Variants in CFI observed in about 807,000 individuals in gnomAD.
CFI encodes the protein C3B/C4B inactivator.
In CFI, 66 loss-of-function variants were observed where a neutral mutation model predicts 78.8. The ratio of observed to expected loss-of-function variants is 0.84; its 90% CI spans 0.69 to 1.03. The LOEUF (loss-of-function observed/expected upper bound fraction) is 1.03, where lower values mean the gene tolerates loss of function less well. Among genes scored for constraint, CFI ranks in the 50% least tolerant of loss-of-function variants. The pLI, the probability that CFI is intolerant of heterozygous loss-of-function variation, is 0.00. For synonymous variants in CFI, 250 were observed against 232.6 expected, an observed-to-expected ratio of 1.07 and a Z score of -0.68; for missense variants, 706 against 704.5, an observed-to-expected ratio of 1.00 and a Z score of -0.02.
At chr4:109,732,802 A>G in the CFI span, among the ~76,000 whole-genome samples, 1 of 150,650 alleles carries the variant, frequency 6.6e-6, no homozygotes, top group South Asian at 2.1e-4. Context: ...GCTTGCAATG[A>G]GCCAAGATCG....
chr4:109,784,544 C>A (rs910131567), intron 1 of CFI, among the ~76,000 whole-genome samples: 5 of 151,862 alleles, frequency 3.3e-5, no homozygotes, highest in Non-Finnish European at 4.4e-5. Context: ...TAGATGAATC[C>A]TGGATTAAAA....
At chr4:109,770,308 C>T (rs977404058) in intron 1 of CFI, among the ~76,000 whole-genome samples, 3 of 152,010 alleles carry the variant, frequency 2.0e-5, no homozygotes, top group African/African-American at 7.2e-5. Flanking sequence ...GCCTGTAATC[C>T]CAGCACTTTG....
intron 12 of CFI, 70 bp from the exon 13 acceptor site, chr4:109,741,180 A>G (rs1561281179): frequency 6.2e-7 from 1 of 1,608,156 alleles, no homozygotes; most frequent in Non-Finnish European, 8.5e-7. Context: ...TGCCTCCTCC[A>G]TGGCATTTAA....
intron 1 of CFI, among the ~76,000 whole-genome samples, chr4:109,771,340 T>C (rs1263553257): frequency 6.6e-6 from 1 of 151,884 alleles, no homozygotes; most frequent in Non-Finnish European, 1.5e-5. Context: ...GCAGATTGCC[T>C]GAGGTCAGCA....
chr4:109,800,917 A>C (rs139943793), intron 1 of CFI, among the ~76,000 whole-genome samples: 121 of 152,300 alleles, frequency 7.9e-4, no homozygotes, highest in Non-Finnish European at 1.2e-3. Flanking sequence ...TCTTATTAAT[A>C]AGCATTTAGT....
intron 11 of CFI, 150 bp downstream of exon 11, chr4:109,746,072 A>G: frequency 1.1e-6 from 1 of 926,264 alleles, no homozygotes; most frequent in Non-Finnish European, 1.7e-6. Flanking sequence ...ACATGCTGCA[A>G]ACCCATGAAG....
At chr4:109,746,908 G>A (rs1398238512) in intron 10 of CFI, among the ~76,000 whole-genome samples, 1 of 152,170 alleles carries the variant, frequency 6.6e-6, no homozygotes, top group Non-Finnish European at 1.5e-5. Context: ...CAACCCTAGA[G>A]GTTCCCAGGG....
At chr4:109,788,191 T>C (rs1298376565) in intron 1 of CFI, among the ~76,000 whole-genome samples, 1 of 152,158 alleles carries the variant, frequency 6.6e-6, no homozygotes, top group East Asian at 1.9e-4. Flanking sequence ...CCTTATATAA[T>C]ACACATCATT....
At chr4:109,741,243 G>A (rs1373924179) in intron 12 of CFI, 133 bp from the exon 13 acceptor site, 8 of 1,518,246 alleles carry the variant, frequency 5.3e-6, no homozygotes, top group Non-Finnish European at 7.0e-6. Flanking sequence ...GCTCTCCTTA[G>A]AGTCCCTGGC....
chr4:109,778,304 C>T (rs1404436635), intron 1 of CFI, among the ~76,000 whole-genome samples: 4 of 152,090 alleles, frequency 2.6e-5, no homozygotes, highest in Non-Finnish European at 5.9e-5. Context: ...GGGATATCAC[C>T]ACCGATCCCA....
chr4:109,780,909 A>G (rs1180317238), intron 1 of CFI, among the ~76,000 whole-genome samples: 14 of 152,146 alleles, frequency 9.2e-5, no homozygotes, highest in Non-Finnish European at 1.9e-4. Context: ...AGAAAACCAA[A>G]CACCGCATGT....
chr4:109,758,620 C>G (rs1215626838), intron 6 of CFI, among the ~76,000 whole-genome samples: 1 of 152,088 alleles, frequency 6.6e-6, no homozygotes, highest in Non-Finnish European at 1.5e-5. Context: ...GCCCTATTGA[C>G]AAAATGGACA....
At chr4:109,779,603 T>A (rs544527333) in intron 1 of CFI, among the ~76,000 whole-genome samples, 5 of 152,270 alleles carry the variant, frequency 3.3e-5, no homozygotes, top group African/African-American at 1.2e-4. Flanking sequence ...AAGCTACCAA[T>A]GACTTTCTTC....
intron 1 of CFI, among the ~76,000 whole-genome samples, chr4:109,796,489 G>C (rs964077330): frequency 6.6e-6 from 1 of 152,172 alleles, no homozygotes; most frequent in Non-Finnish European, 1.5e-5. Flanking sequence ...ATAATGAACT[G>C]TCCTAGAAAG....
At chr4:109,799,191 C>T (rs144686519) in intron 1 of CFI, among the ~76,000 whole-genome samples, 106 of 152,246 alleles carry the variant, frequency 7.0e-4, no homozygotes, top group African/African-American at 2.5e-3. Flanking sequence ...AGTTTTTCCC[C>T]ATGCTTTGGT....
chr4:109,743,351 G>A (rs1024052012), intron 11 of CFI, among the ~76,000 whole-genome samples: 4 of 152,094 alleles, frequency 2.6e-5, no homozygotes, highest in Admixed American at 2.0e-4. Flanking sequence ...ATTCTTAATG[G>A]CCCAGGAGAT....
At chr4:109,743,583 T>G (rs1724069374) in intron 11 of CFI, among the ~76,000 whole-genome samples, 1 of 152,236 alleles carries the variant, frequency 6.6e-6, no homozygotes, top group South Asian at 2.1e-4. Context: ...ATTGCTATCT[T>G]GCAGACATAG....
At chr4:109,799,719 G>A (rs1732517968) in intron 1 of CFI, among the ~76,000 whole-genome samples, 1 of 152,184 alleles carries the variant, frequency 6.6e-6, no homozygotes, top group South Asian at 2.1e-4. Flanking sequence ...TTTAACATTT[G>A]CAAACTAAGG....
At chr4:109,756,063 C>T (rs1444318595) in intron 7 of CFI, among the ~76,000 whole-genome samples, 2 of 152,084 alleles carry the variant, frequency 1.3e-5, no homozygotes, top group Non-Finnish European at 1.5e-5. Flanking sequence ...AAAATGTATG[C>T]TTGCAAAATA....
Sources: allele counts gnomAD v4.1 joint callset (sites outside exome capture counted in the v4.1 genomes callset), GRCh38; gene constraint gnomAD v4.1.1; transcripts MANE v1.5; gene names NCBI Gene and HGNC (gene_info 2026-07-23, HGNC 2026-07-21).